The following SLC2A14 variants were observed in gnomAD, a reference collection of about 807,000 sequenced individuals.
SLC2A14 encodes solute carrier family 2, facilitated glucose transporter member 14.
A neutral mutation model predicts 43.0 loss-of-function variants in SLC2A14; 13 were observed. The observed-to-expected ratio is 0.30, with a 90% CI of 0.20 to 0.48. The LOEUF (loss-of-function observed/expected upper bound fraction) is 0.48, where lower values mean the gene tolerates loss of function less well. SLC2A14 is among the 20% of genes least tolerant of loss of function. The pLI is 0.99. For missense variants in SLC2A14, 428 were observed against 620.4 expected (o/e 0.69, Z 3.29); for synonymous variants, 190 against 233.8 (o/e 0.81, Z 1.71).
chr12:7,863,324 A>G (rs908322782), intron 2 of SLC2A14: 1 of 451,616 alleles, frequency 2.2e-6, no homozygotes, highest in Non-Finnish European at 4.4e-6. Context: ...GAACATCAGA[A>G]GGGAGGGACT....
chr12:7,886,318 C>T (rs907326964), intron 1 of SLC2A14, among the ~76,000 whole-genome samples: 1 of 151,104 alleles, frequency 6.6e-6, no homozygotes, highest in East Asian at 1.9e-4. Flanking sequence ...TGTGCCACCT[C>T]GCCCAGCTAA....
intron 2 of SLC2A14, among the ~76,000 whole-genome samples, chr12:7,838,114 A>G (rs1047525211): frequency 6.9e-6 from 1 of 144,206 alleles, no homozygotes; most frequent in Non-Finnish European, 1.5e-5. Flanking sequence ...TCGAGACAGA[A>G]TCTCGCTCTG....
intron 2 of SLC2A14, among the ~76,000 whole-genome samples, chr12:7,863,023 C>T (rs1163461502): frequency 2.0e-5 from 3 of 152,150 alleles, no homozygotes; most frequent in African/African-American, 4.8e-5. Flanking sequence ...CATTGGCAAC[C>T]AGCTTGGGTG....
chr12:7,877,035 G>A (rs1055893170), upstream of SLC2A14, among the ~76,000 whole-genome samples: 3 of 140,750 alleles, frequency 2.1e-5, no homozygotes, highest in Admixed American at 7.7e-5. Flanking sequence ...ATGGAGTCTC[G>A]CTCTGTCACC....
chr12:7,821,395 A>T lies in SLC2A14; in HGVS notation c.865-70T>A, dbSNP rs1863896006. ...CACTTACACAGAACCCTCAAAAAAT[A>T]CTTAAGGCTGAGCGTGGTTGCACAG... is the stretch of plus-strand genomic sequence containing the variant. On this transcript the variant is annotated intron_variant, in intron 7 of 10. Coordinates refer to ENST00000431042, the MANE Select transcript of SLC2A14 (RefSeq NM_001286234.2). 5 of 1,398,304 alleles carry T rather than the reference A, an allele frequency of 3.6e-6. No homozygotes were observed. In the African/African-American group the frequency reaches 7.1e-5, roughly 20 times the overall value. 86.6% of individuals were successfully genotyped at this position (1,398,304 alleles called of 1,614,324 possible). A position where few individuals can be genotyped will look rare whatever the true frequency, so the allele number is the denominator to read the frequency against.
chr12:7,854,029 C>T (rs934004154), intron 2 of SLC2A14, among the ~76,000 whole-genome samples: 1 of 152,058 alleles, frequency 6.6e-6, no homozygotes, highest in Admixed American at 6.6e-5. Flanking sequence ...TTAAGTTTTT[C>T]AATGATGGCT....
chr12:7,889,233 CT>C (rs142327842), intron 1 of SLC2A14, among the ~76,000 whole-genome samples: 10 of 132,356 alleles, frequency 7.6e-5, no homozygotes, highest in African/African-American at 2.0e-4. Context: ...GCTGGTTGCC[CT>C]TTTTTTTTTT....
chr12:7,871,362 G>T, intron 1 of SLC2A14: 1 of 653,592 alleles, frequency 1.5e-6, no homozygotes, highest in Non-Finnish European at 2.1e-6. Flanking sequence ...GGCGCCAAGG[G>T]CAAAGATGAC....
At position 7,839,924 on chromosome 12, in the gene SLC2A14, C is replaced by CA. The variant is rs57569188; in HGVS notation, c.19-7111dup. Reference sequence around the variant, plus strand: ...GCGACACAAGGAGACCCTGTCTCTACAAAAAAAAAAAAAAAAAAAAAAAAA... The same window carrying CA: ...GCGACACAAGGAGACCCTGTCTCTACAAAAAAAAAAAAAAAAAAAAAAAAAA... On this transcript the variant is annotated intron_variant, in intron 2 of 10. Coordinates refer to ENST00000431042, the MANE Select transcript of SLC2A14 (RefSeq NM_001286234.2). 1.4e-3 allele frequency: 230 copies of CA among 168,090 alleles called. 7 individuals are homozygous for CA. The highest frequency in any genetic ancestry group is 5.2e-3 in the African/African-American group (127 of 24,656). 10.4% of individuals were successfully genotyped at this position (168,090 alleles called of 1,614,324 possible).
chr12:7,879,119 T>G (rs11056278), intron 1 of SLC2A14, among the ~76,000 whole-genome samples: 5,354 of 151,598 alleles, frequency 0.035, 286 homozygotes, highest in East Asian at 0.23. Context: ...GTCCTTGAAG[T>G]GAGCTGCTTA....
At chr12:7,821,409 G>A (rs983059520) in intron 7 of SLC2A14, 84 bp from the exon 8 acceptor site, 21 of 1,256,736 alleles carry the variant, frequency 1.7e-5, no homozygotes, top group Admixed American at 1.2e-4. Flanking sequence ...AAGGCTGAGC[G>A]TGGTTGCACA....
chr12:7,872,768 C>T, intron 1 of SLC2A14, 39 bp downstream of exon 1: 1 of 985,418 alleles, frequency 1.0e-6, no homozygotes, highest in Non-Finnish European at 1.2e-6. Flanking sequence ...GTCCTCATTC[C>T]CGCACCCCCC....
At chr12:7,838,324 G>T (rs1394285186) in intron 2 of SLC2A14, among the ~76,000 whole-genome samples, 1 of 151,662 alleles carries the variant, frequency 6.6e-6, no homozygotes, top group East Asian at 1.9e-4. Context: ...CTGACCTTGC[G>T]ATCCACCTGC....
intron 1 of SLC2A14, among the ~76,000 whole-genome samples, chr12:7,880,724 T>C (rs1294290789): frequency 2.1e-5 from 3 of 142,494 alleles, no homozygotes; most frequent in Non-Finnish European, 4.5e-5. Flanking sequence ...AGAGAGAAAT[T>C]GGCCGGGCGC....
rs755280486 is a variant in SLC2A14 at position 7,843,116 on chromosome 12, G to A, written c.19-10302C>T. On this transcript the variant is annotated intron_variant, in intron 2 of 10. Coordinates refer to ENST00000431042, the MANE Select transcript of SLC2A14 (RefSeq NM_001286234.2). ...ATCTCCTCAAGCATTTATGCTTTGA[G>A]TTACCCCCTCATCTTTTTAGACCCT... Among the ~76,000 whole-genome samples, 623 of 150,666 alleles carry A rather than the reference G, an allele frequency of 4.1e-3. 2 individuals carry two copies. Among genetic ancestry groups the A allele is most frequent in the African/African-American group, 0.014 (571 of 40,164 alleles).
intron 1 of SLC2A14, among the ~76,000 whole-genome samples, chr12:7,871,670 C>T (rs1290719211): frequency 1.3e-5 from 2 of 152,008 alleles, no homozygotes; most frequent in East Asian, 1.9e-4. Flanking sequence ...TGAGAGAAAG[C>T]CCCCAAGACA....
upstream of SLC2A14, chr12:7,873,156 C>T: frequency 1.0e-6 from 1 of 985,702 alleles, no homozygotes; most frequent in African/African-American, 1.7e-5. Context: ...TTCCTGCGAC[C>T]GGGCGGGGGA....
At chr12:7,843,056 T>C (rs1866118939) in intron 2 of SLC2A14, among the ~76,000 whole-genome samples, 1 of 152,186 alleles carries the variant, frequency 6.6e-6, no homozygotes, top group South Asian at 2.1e-4. Flanking sequence ...AGGCATGCAA[T>C]GTAAAATAAT....
In SLC2A14 at chr12:7,825,529, C is replaced by T. The variant is rs1314481246; in HGVS notation, c.864+1966G>A. Among the ~76,000 whole-genome samples the T allele has an allele frequency of 7.6e-5, 11 of 144,944 alleles. 1 individual carries two copies. Among genetic ancestry groups the T allele is most frequent in the African/African-American group, 1.2e-4 (5 of 40,492 alleles). Reference sequence around the variant, plus strand: ...CTGTAATCCCAGCACTTTGGGAGGCCGAGGCGGGCAGATCACAAAGTCAGG... The same window carrying T: ...CTGTAATCCCAGCACTTTGGGAGGCTGAGGCGGGCAGATCACAAAGTCAGG... On this transcript the variant is annotated intron_variant, in intron 7 of 10. Coordinates refer to ENST00000431042, the MANE Select transcript of SLC2A14 (RefSeq NM_001286234.2).
Sources: allele counts gnomAD v4.1 joint callset (sites outside exome capture counted in the v4.1 genomes callset), GRCh38; gene constraint gnomAD v4.1.1; transcripts MANE v1.5; gene names NCBI Gene and HGNC (gene_info 2026-07-23, HGNC 2026-07-21).